The following HOXB5 variants were observed in gnomAD, a reference collection of about 807,000 sequenced individuals.
HOXB5 encodes homeobox protein Hox-B5.
A neutral mutation model predicts 19.6 loss-of-function variants in HOXB5; 10 were observed. That is an observed-to-expected ratio of 0.51 (90% confidence interval 0.32 to 0.87). The LOEUF (loss-of-function observed/expected upper bound fraction) is 0.87, where lower values mean the gene tolerates loss of function less well. Among genes scored for constraint, HOXB5 ranks in the 40% least tolerant of loss-of-function variants. HOXB5 has a pLI of 0.04. For synonymous variants in HOXB5, 167 were observed against 156.9 expected (o/e 1.06, Z -0.48); for missense variants, 353 against 369.6 (o/e 0.96, Z 0.37).
Position 48,593,313 on chromosome 17 carries a change from C to A in HOXB5, c.370G>T (p.Ala124Ser). ...TCGGTGAAATTGGCGCTGGAGCTGG[C>A]TGAGGTCGCCTGGTCGGAGGGGGAC... ...ASSPSDQATS[A>S]SSSANFTEID... Residue 124 changes from alanine (A) to serine (S), a missense_variant, in exon 1 of 2, where the codon GCC becomes TCC. Physicochemically the swap from Ala to Ser is moderately conservative, Grantham distance 99. Coordinates refer to ENST00000239151, the MANE Select transcript of HOXB5 (RefSeq NM_002147.4). 1 of 1,611,674 alleles carries A rather than the reference C, an allele frequency of 6.2e-7. No homozygotes were observed. The highest frequency in any genetic ancestry group is 8.5e-7 in the Non-Finnish European group (1 of 1,178,306).
chr17:48,592,605 C>G, intron 1 of HOXB5, 149 bp from the exon 2 acceptor site: 1 of 824,232 alleles, frequency 1.2e-6, no homozygotes, highest in Non-Finnish European at 1.8e-6. Context: ...TGCCCACATT[C>G]AAGCTCGATT....
In HOXB5 at chr17:48,593,249, G is replaced by C; in HGVS notation, c.434C>G (p.Ala145Gly). The C allele has an allele frequency of 2.5e-6, 4 of 1,613,806 alleles. No individual in the cohort carries two copies. The South Asian group carries it at 3.3e-5, about 13-fold the overall frequency. ...GCTGGGGCTGCTTAGCTGGCTTGCC[G>C]CTTCCTCAGGCTCCGAGGACGCGCT... ...EASASSEPEE[A>G]ASQLSSPSLA... The change falls in exon 1 of 2, where the codon GCG (alanine) becomes GGG (glycine). Residue 145 changes from alanine to glycine, a missense_variant. Ala to Gly is a moderately conservative substitution (Grantham distance 60, BLOSUM62 0). Transcript: ENST00000239151.
chr17:48,593,062 T>G (rs1555643559), intron 1 of HOXB5, 59 bp downstream of exon 1: 1 of 393,976 alleles, frequency 2.5e-6, no homozygotes, highest in Non-Finnish European at 4.8e-6. Flanking sequence ...GTCCCCCCGA[T>G]CCCACCCCAA....
rs755209108 is a variant in HOXB5 at position 48,593,432 on chromosome 17, C to T, written c.251G>A (p.Arg84His). 5.0e-6 allele frequency: 8 copies of T among 1,609,612 alleles called. No individual in the cohort carries two copies. In the Admixed American group the frequency reaches 8.4e-5, roughly 17 times the overall value. The change falls in exon 1 of 2, where the codon CGC becomes CAC. Residue 84 changes from arginine (R) to histidine (H), a missense_variant. Arg to His is a conservative substitution (Grantham distance 29). Transcript: ENST00000239151. ...RAFPAPAQEP[R>H]FRQAASSCSL... ...GCAGCTCGAAGCCGCTTGCCTGAAGCGGGGCTCCTGGGCGGGCGCGGGGAA... is the reference window on the plus strand; with the variant it reads ...GCAGCTCGAAGCCGCTTGCCTGAAGTGGGGCTCCTGGGCGGGCGCGGGGAA...
At position 48,593,128 on chromosome 17, in the gene HOXB5, G is replaced by A; in HGVS notation, c.555C>T (p.Ile185=). Residue 185 remains isoleucine (I), a synonymous_variant, in exon 1 of 2, where the codon ATC becomes ATT. Coordinates refer to ENST00000239151, the MANE Select transcript of HOXB5 (RefSeq NM_002147.4). ...AAAGAGAGAGAGAATTACCATGGCT[G>A]ATGTGAAGCTTCCTCATCCAGGGGA... ...QIFPWMRKLH[I]SHDMTGPDGK... is the part of the protein sequence containing the mutation. The A allele has an allele frequency of 6.5e-7, 1 of 1,538,414 alleles. No homozygotes were observed. Among genetic ancestry groups the A allele is most frequent in the Non-Finnish European group, 8.8e-7 (1 of 1,138,658 alleles).
rs547464392 is a variant in HOXB5 at position 48,593,700 on chromosome 17, GC to G, written c.-19del. On this transcript the variant is annotated 5_prime_UTR_variant, in exon 1 of 2. Coordinates refer to ENST00000239151, the MANE Select transcript of HOXB5 (RefSeq NM_002147.4). ...GAGCTCATTTGGGTGATTTTGGAGG[GC>G]TTGATTTGTGGATCGTGGTCGTTAT... The G allele has an allele frequency of 5.2e-4, 835 of 1,594,862 alleles. 3 individuals are homozygous for G. In the African/African-American group the frequency reaches 0.01, roughly 20 times the overall value.
chr17:48,592,201 G>A lies in HOXB5; in HGVS notation c.*8C>T, dbSNP rs774800340. 1 of 1,609,004 alleles carries A rather than the reference G, an allele frequency of 6.2e-7. No individual in the cohort carries two copies. Among genetic ancestry groups the A allele is most frequent in the Non-Finnish European group, 8.5e-7 (1 of 1,178,826 alleles). On this transcript the variant is annotated 3_prime_UTR_variant, in exon 2 of 2. Transcript: ENST00000239151. Reference sequence around the variant, plus strand: ...GGCTCTTGGGCCGCTGGGCTCCTCTGGGCGGGCTCAGGGCTGGAAGGCGCT... The same window carrying A: ...GGCTCTTGGGCCGCTGGGCTCCTCTAGGCGGGCTCAGGGCTGGAAGGCGCT...
chr17:48,593,215 C>T lies in HOXB5; in HGVS notation c.468G>A (p.Arg156=), dbSNP rs1270263961. 6.2e-7 allele frequency: 1 copy of T among 1,612,476 alleles called. No homozygotes were observed. Among genetic ancestry groups the T allele is most frequent in the Non-Finnish European group, 8.5e-7 (1 of 1,178,770 alleles). Reference sequence around the variant, plus strand: ...AGGTGGCCATGGGCTCTGGCTGCGCCCGAGCTAGGCTGGGGCTGCTTAGCT... The same window carrying T: ...AGGTGGCCATGGGCTCTGGCTGCGCTCGAGCTAGGCTGGGGCTGCTTAGCT... The part of the protein sequence containing the change: ...ASQLSSPSLA[R]AQPEPMATST... Residue 156 remains arginine, a synonymous_variant, in exon 1 of 2, where the codon CGG becomes CGA. Coordinates refer to ENST00000239151, the MANE Select transcript of HOXB5 (RefSeq NM_002147.4).
Position 48,593,099 on chromosome 17 carries a change from CAAAA to C in HOXB5, c.562+18_562+21del. On this transcript the variant is annotated intron_variant, in intron 1 of 1. Coordinates refer to ENST00000239151, the MANE Select transcript of HOXB5 (RefSeq NM_002147.4). ...ACGCAGAGAAGGAAAGCCGAGAAGA[CAAAA>C]AAGAGAGAGAGAATTACCATGGCTG... The C allele has an allele frequency of 8.7e-7, 1 of 1,149,136 alleles. No individual in the cohort carries two copies. The highest frequency in any genetic ancestry group is 1.6e-5 in the South Asian group (1 of 61,134). 71.2% of individuals were successfully genotyped at this position (1,149,136 alleles called of 1,614,324 possible). A position where few individuals can be genotyped will look rare whatever the true frequency, so the allele number is the denominator to read the frequency against.
intron 1 of HOXB5, 98 bp from the exon 2 acceptor site, chr17:48,592,554 G>A (rs1555643458): frequency 3.1e-6 from 4 of 1,278,150 alleles, no homozygotes; most frequent in Non-Finnish European, 4.3e-6. Flanking sequence ...CAGGCGTCCC[G>A]GCACCCAGCT....
At chr17:48,592,485 C>A (rs201088652) in intron 1 of HOXB5, 29 bp from the exon 2 acceptor site, 4 of 611,612 alleles carry the variant, frequency 6.5e-6, no homozygotes, top group Non-Finnish European at 1.0e-5. Flanking sequence ...AGCCGCAAGG[C>A]AACATTATTC....
chr17:48,593,342 G>A lies in HOXB5; in HGVS notation c.341C>T (p.Ala114Val), dbSNP rs373935092. The A allele has an allele frequency of 3.0e-5, 48 of 1,606,272 alleles. No homozygotes were observed. Among genetic ancestry groups the A allele is most frequent in the Non-Finnish European group, 3.9e-5 (46 of 1,174,514 alleles). ...GGTCGCCTGGTCGGAGGGGGACGAA[G>A]CAGAGGGCTTGGCGCCGTGGCTGTC... ...NGDSHGAKPS[A>V]SSPSDQATSA... The change falls in exon 1 of 2, where the codon GCT becomes GTT. Residue 114 changes from alanine to valine, a missense_variant. Transcript: ENST00000239151.
chr17:48,593,719 G>A lies in HOXB5; in HGVS notation c.-37C>T. The A allele has an allele frequency of 6.5e-7, 1 of 1,548,872 alleles. No homozygotes were observed. Among genetic ancestry groups the A allele is most frequent in the South Asian group, 1.2e-5 (1 of 86,456 alleles). On this transcript the variant is annotated 5_prime_UTR_variant, in exon 1 of 2. Coordinates refer to ENST00000239151, the MANE Select transcript of HOXB5 (RefSeq NM_002147.4). ...TGGAGGGCTTGATTTGTGGATCGTG[G>A]TCGTTATAACCCTGTGCTTCACGAT... is the stretch of plus-strand genomic sequence containing the variant.
rs199625329 is a variant in HOXB5 at position 48,592,496 on chromosome 17, C to A, written c.563-40G>T. 1.3e-4 allele frequency: 49 copies of A among 379,750 alleles called. No individual in the cohort carries two copies. In the East Asian group the frequency reaches 4.8e-3, roughly 37 times the overall value. 23.5% of individuals were successfully genotyped at this position (379,750 alleles called of 1,614,324 possible). ...GGAAAGCCGCAAGGCAACATTATTC[C>A]GGTTAAGGGAGGGGGCACTGGGTGG... is the stretch of plus-strand genomic sequence containing the variant. On this transcript the variant is annotated intron_variant, in intron 1 of 1. Coordinates refer to ENST00000239151, the MANE Select transcript of HOXB5 (RefSeq NM_002147.4).
At chr17:48,593,063 C>CCACCCCCCCCCAAA in intron 1 of HOXB5, 58 bp downstream of exon 1, 1 of 466,140 alleles carries the variant, frequency 2.1e-6, no homozygotes, top group Non-Finnish European at 3.9e-6. Flanking sequence ...TCCCCCCGAT[C>CCACCCCCCCCCAAA]CCACCCCAAA....
Position 48,592,283 on chromosome 17 carries a change from G to A in HOXB5, c.736C>T (p.Arg246Cys), listed in dbSNP as rs1364579142. ...RQIKIWFQNR[R>C]MKWKKDNKLK... ...TTGTTGTCCTTCTTCCACTTCATGC[G>A]CCGGTTCTGGAACCAGATCTTGATC... The change falls in exon 2 of 2, where the codon CGC (arginine) becomes TGC (cysteine). Residue 246 changes from arginine to cysteine, a missense_variant. By Grantham distance (180) the Arg-to-Cys change is radical. Coordinates refer to ENST00000239151, the MANE Select transcript of HOXB5 (RefSeq NM_002147.4). 1 of 1,614,018 alleles carries A rather than the reference G, an allele frequency of 6.2e-7. No individual in the cohort carries two copies. Among genetic ancestry groups the A allele is most frequent in the Non-Finnish European group, 8.5e-7 (1 of 1,180,008 alleles).
Position 48,593,149 on chromosome 17 carries a change from G to A in HOXB5, c.534C>T (p.Pro178=), listed in dbSNP as rs2070191684. ...GGCTGATGTGAAGCTTCCTCATCCA[G>A]GGGAATATTTGCGGAGTCTGCCCCT... ...APEGQTPQIF[P]WMRKLHISHD... is the part of the protein sequence containing the mutation. The change falls in exon 1 of 2, where the codon CCC becomes CCT. Residue 178 remains proline, a synonymous_variant. Transcript: ENST00000239151. The A allele has an allele frequency of 1.3e-6, 2 of 1,548,984 alleles. No homozygotes were observed. Among genetic ancestry groups the A allele is most frequent in the Admixed American group, 3.9e-5 (2 of 51,636 alleles).
At position 48,592,187 on chromosome 17, in the gene HOXB5, C is replaced by T. The variant is rs776087425; in HGVS notation, c.*22G>A. 3.7e-6 allele frequency: 6 copies of T among 1,607,540 alleles called. No homozygotes were observed. Among genetic ancestry groups the T allele is most frequent in the Non-Finnish European group, 5.1e-6 (6 of 1,176,254 alleles). ...CTGGGGGTGGCACGGGCTCTTGGGCCGCTGGGCTCCTCTGGGCGGGCTCAG... is the reference window on the plus strand; with the variant it reads ...CTGGGGGTGGCACGGGCTCTTGGGCTGCTGGGCTCCTCTGGGCGGGCTCAG... On this transcript the variant is annotated 3_prime_UTR_variant, in exon 2 of 2. Coordinates refer to ENST00000239151, the MANE Select transcript of HOXB5 (RefSeq NM_002147.4).
chr17:48,593,168 T>A lies in HOXB5; in HGVS notation c.515A>T (p.Gln172Leu). 1.3e-6 allele frequency: 2 copies of A among 1,589,446 alleles called. No individual in the cohort carries two copies. Among genetic ancestry groups the A allele is most frequent in the Non-Finnish European group, 1.7e-6 (2 of 1,165,052 alleles). ...MATSTAAPEG[Q>L]TPQIFPWMRK... ...CATCCAGGGGAATATTTGCGGAGTC[T>A]GCCCCTCGGGCGCGGCTGTGGAGGT... is the stretch of plus-strand genomic sequence containing the variant. The change falls in exon 1 of 2, where the codon CAG (glutamine) becomes CTG (leucine). Residue 172 changes from glutamine (Q) to leucine (L), a missense_variant. Physicochemically the swap from Gln to Leu is moderately radical, Grantham distance 113. Coordinates refer to ENST00000239151, the MANE Select transcript of HOXB5 (RefSeq NM_002147.4).
Sources: gnomAD v4.1 joint callset for allele counts on GRCh38, gnomAD v4.1.1 for gene constraint, MANE v1.5 for transcripts, NCBI Gene and HGNC (gene_info 2026-07-23, HGNC 2026-07-21) for gene names.